The following XXYLT1 variants were observed in gnomAD, a reference collection of about 807,000 sequenced individuals.
XXYLT1 encodes the protein UDP-xylose:alpha-xyloside alpha-1,3-xylosyltransferase.
In XXYLT1, 20 loss-of-function variants were observed where a neutral mutation model predicts 28.9. The ratio of observed to expected loss-of-function variants is 0.69; its 90% CI spans 0.49 to 1.00. XXYLT1 has a LOEUF of 1.00. Among genes scored for constraint, XXYLT1 ranks in the 50% least tolerant of loss-of-function variants. The pLI, the probability that XXYLT1 is intolerant of heterozygous loss-of-function variation, is 0.00. For synonymous variants in XXYLT1, 257 were observed against 253.8 expected (o/e 1.01, Z -0.12); for missense variants, 542 against 560.1 (o/e 0.97, Z 0.33).
chr3:195,184,428 T>C (rs1722086449), intron 2 of XXYLT1, among the ~76,000 whole-genome samples: 1 of 152,224 alleles, frequency 6.6e-6, no homozygotes, highest in African/African-American at 2.4e-5. Context: ...CTGAACGGCA[T>C]GATCTTTAAA....
At chr3:195,258,333 T>G (rs1272850971) in intron 1 of XXYLT1, among the ~76,000 whole-genome samples, 1 of 152,174 alleles carries the variant, frequency 6.6e-6, no homozygotes, top group Non-Finnish European at 1.5e-5. Context: ...GCCCGGCCTT[T>G]TTAAGTCATT....
Position 195,113,711 on chromosome 3 carries a change from G to T in XXYLT1, c.785+42738C>A, listed in dbSNP as rs1235832538. On this transcript the variant is annotated intron_variant, in intron 3 of 3. Transcript: ENST00000310380. Reference sequence around the variant, plus strand: ...AGCCAGGCCTGGGAATGCCGAGCTTGGCTGAGGGAGCCTGCACAGCACCCA... The same window carrying T: ...AGCCAGGCCTGGGAATGCCGAGCTTTGCTGAGGGAGCCTGCACAGCACCCA... 7.9e-5 allele frequency among the ~76,000 whole-genome samples: 12 copies of T among 152,288 alleles called. No homozygotes were observed. In the South Asian group the frequency reaches 2.1e-3, roughly 26 times the overall value.
chr3:195,104,152 T>G (rs1253739450), intron 3 of XXYLT1, among the ~76,000 whole-genome samples: 6 of 151,436 alleles, frequency 4.0e-5, no homozygotes, highest in African/African-American at 1.5e-4. Context: ...AGAAGCCCTT[T>G]GGGAGCACAC....
At chr3:195,157,756 C>T (rs896310996) in intron 2 of XXYLT1, among the ~76,000 whole-genome samples, 7 of 152,224 alleles carry the variant, frequency 4.6e-5, no homozygotes, top group Non-Finnish European at 7.4e-5. Flanking sequence ...AAAGAGGGGG[C>T]GCATGGGGTT....
chr3:195,234,082 A>G (rs1458480223), intron 1 of XXYLT1, among the ~76,000 whole-genome samples: 1 of 148,152 alleles, frequency 6.7e-6, no homozygotes, highest in East Asian at 2.0e-4. Flanking sequence ...ACGCCCAGCT[A>G]ATTTTTTTTT....
rs140174189 is a variant in XXYLT1, at chr3:195,168,503, CA to C, written c.653-11923del. On this transcript the variant is annotated intron_variant, in intron 2 of 3. Coordinates refer to ENST00000310380, the MANE Select transcript of XXYLT1 (RefSeq NM_152531.5). This position sits in a 1 kb window ranked among gnomAD's most constrained non-coding sequence, Gnocchi z 4.3. ...TAAATATCCTCTGCTGCCACTGCTG[CA>C]GCTGCTTCCATCCTACCCTGGTCCT... is the stretch of plus-strand genomic sequence containing the variant. Among the ~76,000 whole-genome samples the C allele has an allele frequency of 0.041, 6,192 of 152,230 alleles. 419 individuals are homozygous for C. Among genetic ancestry groups the C allele is most frequent in the African/African-American group, 0.14 (5,883 of 41,502 alleles).
chr3:195,123,049 G>A (rs930732138), intron 3 of XXYLT1, among the ~76,000 whole-genome samples: 1 of 152,152 alleles, frequency 6.6e-6, no homozygotes, highest in Non-Finnish European at 1.5e-5. Context: ...TGGAGGAGAT[G>A]ATCTCCATGT....
intron 2 of XXYLT1, among the ~76,000 whole-genome samples, chr3:195,215,238 C>T (rs1205625692): frequency 2.7e-5 from 4 of 149,056 alleles, no homozygotes; most frequent in South Asian, 2.2e-4. Flanking sequence ...TAAAGACCAT[C>T]GAGACTAGGA....
chr3:195,110,247 TGGGTGAA>T (rs1560100519), intron 3 of XXYLT1, among the ~76,000 whole-genome samples: 3 of 40,962 alleles, frequency 7.3e-5, no homozygotes, highest in East Asian at 5.0e-4. Context: ...TGTGCGTGTG[TGGGTGAA>T]GTGTGTGTGG....
At chr3:195,169,729 C>G (rs1452204409) in intron 2 of XXYLT1, among the ~76,000 whole-genome samples, 22 of 151,832 alleles carry the variant, frequency 1.4e-4, no homozygotes, top group Non-Finnish European at 2.9e-5. Flanking sequence ...TATATACAAA[C>G]ACACACACAC....
intron 2 of XXYLT1, among the ~76,000 whole-genome samples, chr3:195,193,457 G>A (rs551618666): frequency 1.3e-4 from 20 of 152,266 alleles, no homozygotes; most frequent in African/African-American, 4.3e-4. Context: ...CCTCAACACC[G>A]TCAAGATGGG....
chr3:195,182,594 C>T (rs976914188), intron 2 of XXYLT1, among the ~76,000 whole-genome samples: 1 of 152,182 alleles, frequency 6.6e-6, no homozygotes, highest in African/African-American at 2.4e-5. Context: ...AGGAAACATC[C>T]TGCTTGTTTT....
chr3:195,205,507 G>A (rs1577144406), intron 2 of XXYLT1, among the ~76,000 whole-genome samples: 1 of 152,304 alleles, frequency 6.6e-6, no homozygotes, highest in African/African-American at 2.4e-5. Context: ...GGTGGGTGTG[G>A]CTGTAAAAGG....
chr3:195,123,141 T>C (rs1256801695), intron 3 of XXYLT1, among the ~76,000 whole-genome samples: 1 of 151,994 alleles, frequency 6.6e-6, no homozygotes, highest in Non-Finnish European at 1.5e-5. Context: ...ATTCAACCAA[T>C]ATTTTTAGGT....
intron 3 of XXYLT1, among the ~76,000 whole-genome samples, chr3:195,103,151 C>T (rs925917809): frequency 1.3e-5 from 2 of 152,214 alleles, no homozygotes; most frequent in Non-Finnish European, 2.9e-5. Flanking sequence ...CTGTGGGGGG[C>T]AGATAAAAGG....
chr3:195,212,936 TG>T (rs1015037599), intron 2 of XXYLT1, among the ~76,000 whole-genome samples: 5 of 152,194 alleles, frequency 3.3e-5, no homozygotes, highest in Admixed American at 1.3e-4. Context: ...GCTCCACCCA[TG>T]GTATGCCGCC....
At chr3:195,142,205 G>A (rs1719528666) in intron 3 of XXYLT1, among the ~76,000 whole-genome samples, 1 of 152,192 alleles carries the variant, frequency 6.6e-6, no homozygotes, top group Non-Finnish European at 1.5e-5. Flanking sequence ...ACAGCCCTGG[G>A]TCACACTTGT....
At chr3:195,228,728 T>A (rs1220496177) in intron 1 of XXYLT1, among the ~76,000 whole-genome samples, 1 of 151,914 alleles carries the variant, frequency 6.6e-6, no homozygotes, top group Non-Finnish European at 1.5e-5. Context: ...GACCTCGTGA[T>A]GCGCCCGCCT....
At position 195,257,121 on chromosome 3, in the gene XXYLT1, C is replaced by T. The variant is rs1351231994; in HGVS notation, c.504+13434G>A. ...ACAAGCTTGAGGCCTCTGTAAGCGG[C>T]CAAGGACGCCATGTCCCGCAAGTCT... is the stretch of plus-strand genomic sequence containing the variant. On this transcript the variant is annotated intron_variant, in intron 1 of 3. Coordinates refer to ENST00000310380, the MANE Select transcript of XXYLT1 (RefSeq NM_152531.5). This position sits in a 1 kb window ranked among gnomAD's most constrained non-coding sequence, Gnocchi z 4.3. Among the ~76,000 whole-genome samples the T allele has an allele frequency of 6.6e-6, 1 of 152,212 alleles. No homozygotes were observed. Among genetic ancestry groups the T allele is most frequent in the Non-Finnish European group, 1.5e-5 (1 of 68,036 alleles).
Sources: allele counts gnomAD v4.1 joint callset (sites outside exome capture counted in the v4.1 genomes callset), GRCh38; gene constraint gnomAD v4.1.1; non-coding constraint Gnocchi (gnomAD v3.1); transcripts MANE v1.5; gene names NCBI Gene and HGNC (gene_info 2026-07-23, HGNC 2026-07-21).